SPNS3: variants seen among roughly 807,000 people sequenced by gnomAD.
SPNS3 encodes protein spinster homolog 3.
SPNS3 carries 51 observed loss-of-function variants against 54.4 expected under a neutral mutation model. The ratio of observed to expected loss-of-function variants is 0.94; its 90% CI spans 0.75 to 1.18. SPNS3 has a LOEUF of 1.18. Among genes scored for constraint, SPNS3 ranks in the 50% most tolerant of loss-of-function variants. SPNS3 has a pLI of 0.00. For synonymous variants in SPNS3, 309 were observed against 294.7 expected (o/e 1.05, Z -0.50); for missense variants, 669 against 677.4 (o/e 0.99, Z 0.14).
At chr17:4,450,260 C>G (rs1440957541) in intron 7 of SPNS3, among the ~76,000 whole-genome samples, 7 of 151,792 alleles carry the variant, frequency 4.6e-5, no homozygotes, top group Admixed American at 6.6e-5. Flanking sequence ...CCTCCTCCTT[C>G]CTCCTCTTTT....
At chr17:4,446,301 C>A (rs1970986482) in intron 4 of SPNS3, 102 bp downstream of exon 4, 1 of 1,348,248 alleles carries the variant, frequency 7.4e-7, no homozygotes. Flanking sequence ...ACCAGGAGGG[C>A]TGGGATTTGA....
chr17:4,470,491 G>T (rs543257874), intron 8 of SPNS3, among the ~76,000 whole-genome samples: 1 of 152,196 alleles, frequency 6.6e-6, no homozygotes, highest in East Asian at 1.9e-4. Flanking sequence ...TAATTCACTG[G>T]TTTTTCGTAC....
At chr17:4,466,322 A>G (rs1207227307) in intron 8 of SPNS3, among the ~76,000 whole-genome samples, 1 of 152,050 alleles carries the variant, frequency 6.6e-6, no homozygotes. Flanking sequence ...TAGGCAGATC[A>G]TGAGGTCAGG....
At chr17:4,463,980 A>G (rs1156887619) in intron 8 of SPNS3, among the ~76,000 whole-genome samples, 1 of 152,154 alleles carries the variant, frequency 6.6e-6, no homozygotes, top group African/African-American at 2.4e-5. Context: ...GCAGCTAAGT[A>G]TAGCTTTTCT....
At chr17:4,485,667 A>T (rs1267616725) in intron 9 of SPNS3, among the ~76,000 whole-genome samples, 1 of 152,088 alleles carries the variant, frequency 6.6e-6, no homozygotes, top group African/African-American at 2.4e-5. Flanking sequence ...AAGTGCTGGG[A>T]TTACAGACGT....
At chr17:4,468,578 T>TGGCGGC (rs1422017004) in intron 8 of SPNS3, among the ~76,000 whole-genome samples, 4 of 138,458 alleles carry the variant, frequency 2.9e-5, no homozygotes, top group Non-Finnish European at 6.2e-5. Flanking sequence ...CAGGGGGCGG[T>TGGCGGC]GGCGGCGGGG....
chr17:4,449,104 T>C lies in SPNS3; in HGVS notation c.771-131T>C. 5.6e-6 allele frequency: 6 copies of C among 1,069,170 alleles called. No individual in the cohort carries two copies. The South Asian group carries it at 9.4e-5, about 17-fold the overall frequency. The allele number at this position is 1,069,170 out of a possible 1,614,324, so 66.2% of individuals were successfully genotyped here. On this transcript the variant is annotated intron_variant, in intron 6 of 11. Transcript: ENST00000355530. ...TCTGTAAAGAGGGGGTAGCAAATGC[T>C]ACCTATGGAATCTTGAAGGTAATGA...
chr17:4,435,747 AACTCACTC>A (rs74266321), intron 1 of SPNS3, among the ~76,000 whole-genome samples: 23 of 152,026 alleles, frequency 1.5e-4, no homozygotes, highest in African/African-American at 5.5e-4. Flanking sequence ...CTCATTCACT[AACTCACTC>A]ACTCATTCAT....
intron 8 of SPNS3, among the ~76,000 whole-genome samples, chr17:4,474,275 C>T (rs556369099): frequency 1.1e-4 from 17 of 152,358 alleles, no homozygotes; most frequent in Non-Finnish European, 2.4e-4. Flanking sequence ...CAATGCCAGT[C>T]CTTGCAATTA....
intron 8 of SPNS3, among the ~76,000 whole-genome samples, chr17:4,464,533 C>G (rs73975132): frequency 6.6e-6 from 1 of 152,278 alleles, no homozygotes; most frequent in African/African-American, 2.4e-5. Flanking sequence ...ATCATTCCTT[C>G]TTTCCTTACC....
intron 3 of SPNS3, 101 bp from the exon 4 acceptor site, chr17:4,445,947 C>T: frequency 7.2e-7 from 1 of 1,390,462 alleles, no homozygotes; most frequent in Non-Finnish European, 9.8e-7. Flanking sequence ...CTCTGGGGTC[C>T]TGTGTCATGA....
Position 4,453,011 on chromosome 17 carries a change from A to C in SPNS3, c.924-5A>C. On this transcript the variant is annotated splice_polypyrimidine_tract_variant and splice_region_variant and intron_variant, in intron 7 of 11. Transcript: ENST00000355530. ...GACCAACCCTTCTGTGCTCTTCCCC[A>C]TCAGCCTGATTTTTGGGGCACTGAC... 6.2e-7 allele frequency: 1 copy of C among 1,612,284 alleles called. No individual in the cohort carries two copies. The highest frequency in any genetic ancestry group is 8.5e-7 in the Non-Finnish European group (1 of 1,178,870).
chr17:4,450,604 A>T lies in SPNS3; in HGVS notation c.923+1217A>T, dbSNP rs539342330. On this transcript the variant is annotated intron_variant, in intron 7 of 11. Coordinates refer to ENST00000355530, the MANE Select transcript of SPNS3 (RefSeq NM_182538.5). Reference sequence around the variant, plus strand: ...ATTTTTATTTTATTTTATTTTATTTATTTTTTTTTGAGACAGAGTTTCACT... The same window carrying T: ...ATTTTTATTTTATTTTATTTTATTTTTTTTTTTTTGAGACAGAGTTTCACT... Among the ~76,000 whole-genome samples, 45 of 147,022 alleles carry T rather than the reference A, an allele frequency of 3.1e-4. No homozygotes were observed. The South Asian group carries it at 4.1e-3, about 13-fold the overall frequency.
intron 1 of SPNS3, among the ~76,000 whole-genome samples, chr17:4,437,867 AC>A (rs1970754088): frequency 6.7e-6 from 1 of 149,566 alleles, no homozygotes; most frequent in African/African-American, 2.5e-5. Context: ...GCTCACTGCA[AC>A]CTCCGCCTCC....
At chr17:4,450,656 G>A (rs924603422) in intron 7 of SPNS3, among the ~76,000 whole-genome samples, 1 of 151,724 alleles carries the variant, frequency 6.6e-6, no homozygotes, top group Non-Finnish European at 1.5e-5. Flanking sequence ...GAGTGCAGTG[G>A]CACAATCTTG....
intron 8 of SPNS3, among the ~76,000 whole-genome samples, chr17:4,467,707 C>T (rs6502789): frequency 0.57 from 86,961 of 152,014 alleles, 25,762 homozygotes; most frequent in Middle Eastern, 0.74. Context: ...CTCGCTCTGT[C>T]GCCCACGCTG....
intron 8 of SPNS3, among the ~76,000 whole-genome samples, chr17:4,458,641 CTT>C (rs1416762336): frequency 8.1e-6 from 1 of 123,672 alleles, no homozygotes; most frequent in African/African-American, 3.0e-5. Flanking sequence ...TTCTTTCTTT[CTT>C]TCTTTCCTTC....
At position 4,445,071 on chromosome 17, in the gene SPNS3, G is replaced by C. The variant is rs1240257907; in HGVS notation, c.305G>C (p.Gly102Ala). The C allele has an allele frequency of 6.2e-7, 1 of 1,614,098 alleles. No homozygotes were observed. The part of the protein sequence containing the change: ...SCLLLSAPVF[G>A]YLGDRHSRKA... ...CTGCTGCTGTCTGCACCTGTGTTTG[G>C]CTACCTGGGCGACCGACATAGCCGC... The change falls in exon 3 of 12, where the codon GGC becomes GCC. Residue 102 changes from glycine to alanine, a missense_variant. Gly to Ala is a moderately conservative substitution (Grantham distance 60). Coordinates refer to ENST00000355530, the MANE Select transcript of SPNS3 (RefSeq NM_182538.5).
intron 8 of SPNS3, among the ~76,000 whole-genome samples, chr17:4,458,056 T>C (rs1380876294): frequency 1.3e-5 from 2 of 151,650 alleles, no homozygotes; most frequent in African/African-American, 4.9e-5. Context: ...AATGCTCGGA[T>C]GTTCTGACCT....
Sources: allele counts gnomAD v4.1 joint callset (sites outside exome capture counted in the v4.1 genomes callset), GRCh38; gene constraint gnomAD v4.1.1; transcripts MANE v1.5; gene names NCBI Gene and HGNC (gene_info 2026-07-23, HGNC 2026-07-21).